The following WDR25 variants were observed in gnomAD, a reference collection of about 807,000 sequenced individuals.
The protein encoded by WDR25 is WD repeat domain 25, also known as WD repeat-containing protein 25.
WDR25 carries 35 observed loss-of-function variants against 47.7 expected under a neutral mutation model. The observed-to-expected ratio is 0.73, with a 90% CI of 0.56 to 0.97. The LOEUF is 0.97. WDR25 is among the 50% of genes least tolerant of loss of function. The pLI, the probability that WDR25 is intolerant of heterozygous loss-of-function variation, is 0.00. For synonymous variants in WDR25, 248 were observed against 278.9 expected, an observed-to-expected ratio of 0.89 and a Z score of 1.10; for missense variants, 634 against 704.7, an observed-to-expected ratio of 0.90 and a Z score of 1.14.
rs535723035 is a variant in WDR25 at position 100,530,253 on chromosome 14, G to A, written c.*212G>A. On this transcript the variant is annotated 3_prime_UTR_variant, in exon 7 of 7. Coordinates refer to ENST00000402312, the MANE Select transcript of WDR25 (RefSeq NM_001161476.3). Reference sequence around the variant, plus strand: ...TAGTGAAAGCGCCTGGCGGGCAGCCGGCGATGCCCAATAAATGTGTGTTTT... The same window carrying A: ...TAGTGAAAGCGCCTGGCGGGCAGCCAGCGATGCCCAATAAATGTGTGTTTT... 7.0e-6 allele frequency: 4 copies of A among 571,902 alleles called. No homozygotes were observed. The South Asian group carries it at 9.2e-5, about 13-fold the overall frequency. 35.4% of individuals were successfully genotyped at this position (571,902 alleles called of 1,614,324 possible). A position where few individuals can be genotyped will look rare whatever the true frequency, so the allele number is the denominator to read the frequency against.
At chr14:100,469,359 G>A (rs1899752095) in intron 3 of WDR25, among the ~76,000 whole-genome samples, 1 of 152,160 alleles carries the variant, frequency 6.6e-6, no homozygotes, top group Non-Finnish European at 1.5e-5. Context: ...TGGTCACAGG[G>A]CCCCTGCCAC....
chr14:100,485,448 A>G (rs2140322737), intron 4 of WDR25, among the ~76,000 whole-genome samples: 1 of 152,308 alleles, frequency 6.6e-6, no homozygotes, highest in South Asian at 2.1e-4. Context: ...GCACTGTGTG[A>G]ATCATGATTG....
rs190685439 is a variant in WDR25, at chr14:100,460,949, C to T, written c.823-7072C>T. On this transcript the variant is annotated intron_variant, in intron 2 of 6. Coordinates refer to ENST00000402312, the MANE Select transcript of WDR25 (RefSeq NM_001161476.3). ...TGCAATTCCAGGCTGCGCACAGTGG[C>T]TCATGCTGTAATCCAGCCTTTGGGA... Among the ~76,000 whole-genome samples, 6 of 152,306 alleles carry T rather than the reference C, an allele frequency of 3.9e-5. No individual in the cohort carries two copies. The East Asian group carries it at 9.6e-4, about 24-fold the overall frequency.
chr14:100,501,384 C>G (rs1264838576), intron 4 of WDR25, among the ~76,000 whole-genome samples: 1 of 152,174 alleles, frequency 6.6e-6, no homozygotes, highest in African/African-American at 2.4e-5. Flanking sequence ...AATTGGCCAT[C>G]ATGAGCTGTC....
In WDR25 at chr14:100,506,829, C is replaced by T. The variant is rs921594591; in HGVS notation, c.1102-19041C>T. Among the ~76,000 whole-genome samples, 61 of 151,966 alleles carry T rather than the reference C, an allele frequency of 4.0e-4. 3 individuals carry two copies. Among genetic ancestry groups the T allele is most frequent in the Non-Finnish European group, 1.3e-4 (9 of 67,946 alleles). ...CTGGATATTACAGCTTTGTCAGATG[C>T]GTAGTTTGCAAATATTTCTCCTATT... On this transcript the variant is annotated intron_variant, in intron 4 of 6. Coordinates refer to ENST00000402312, the MANE Select transcript of WDR25 (RefSeq NM_001161476.3). This position sits in a 1 kb window ranked among gnomAD's most constrained non-coding sequence, Gnocchi z 4.8.
At chr14:100,432,379 TG>T (rs1302968485) in intron 2 of WDR25, among the ~76,000 whole-genome samples, 1 of 152,238 alleles carries the variant, frequency 6.6e-6, no homozygotes, top group East Asian at 1.9e-4. Flanking sequence ...TCACGATGCC[TG>T]AATCTTCCAA....
At chr14:100,521,199 C>T (rs1314309466) in intron 4 of WDR25, among the ~76,000 whole-genome samples, 1 of 151,662 alleles carries the variant, frequency 6.6e-6, no homozygotes, top group Non-Finnish European at 1.5e-5. Context: ...CACACACACA[C>T]ACACAGAGAG....
intron 2 of WDR25, among the ~76,000 whole-genome samples, chr14:100,382,991 A>C (rs1896939991): frequency 6.6e-6 from 1 of 152,218 alleles, no homozygotes; most frequent in South Asian, 2.1e-4. Flanking sequence ...AGAGTTCTGG[A>C]ACCAACTTTC....
At chr14:100,497,312 T>C (rs2140341535) in intron 4 of WDR25, among the ~76,000 whole-genome samples, 1 of 152,326 alleles carries the variant, frequency 6.6e-6, no homozygotes, top group South Asian at 2.1e-4. Flanking sequence ...TTTCAGTGAC[T>C]GAGAGAGGAG....
At chr14:100,432,292 TATA>T (rs1356319608) in intron 2 of WDR25, among the ~76,000 whole-genome samples, 5 of 152,198 alleles carry the variant, frequency 3.3e-5, no homozygotes, top group Non-Finnish European at 7.4e-5. Flanking sequence ...ACTATAAAAA[TATA>T]ATAAGTCAAT....
In WDR25 at chr14:100,506,552, T is replaced by C. The variant is rs1901118518; in HGVS notation, c.1102-19318T>C. Among the ~76,000 whole-genome samples the C allele has an allele frequency of 6.6e-6, 1 of 152,244 alleles. No individual in the cohort carries two copies. The highest frequency in any genetic ancestry group is 2.4e-5 in the African/African-American group (1 of 41,470). On this transcript the variant is annotated intron_variant, in intron 4 of 6. Coordinates refer to ENST00000402312, the MANE Select transcript of WDR25 (RefSeq NM_001161476.3). This position sits in a 1 kb window ranked among gnomAD's most constrained non-coding sequence, Gnocchi z 4.8. ...CCAACAGAGTATAAGTGTTCTTTTT[T>C]CTCTGCAGCCTTGCTAGCACCTGTT...
At chr14:100,380,496 T>C (rs1939637547) in intron 1 of WDR25, among the ~76,000 whole-genome samples, 1 of 129,650 alleles carries the variant, frequency 7.7e-6, no homozygotes, top group Admixed American at 7.5e-5. Flanking sequence ...ATTCTTTTTC[T>C]TTCTTTTTTT....
At chr14:100,376,584 A>G (rs1354352316) in intron 1 of WDR25, 89 bp downstream of exon 1, 3 of 1,231,986 alleles carry the variant, frequency 2.4e-6, no homozygotes, top group South Asian at 4.1e-5. Context: ...GCGGTCTCTC[A>G]TAGCCGCTCG....
At chr14:100,450,511 A>G (rs753893942) in intron 2 of WDR25, among the ~76,000 whole-genome samples, 17 of 152,208 alleles carry the variant, frequency 1.1e-4, no homozygotes, top group Non-Finnish European at 2.2e-4. Flanking sequence ...GCAGTGAGCA[A>G]ATTTCTTGGC....
intron 2 of WDR25, among the ~76,000 whole-genome samples, chr14:100,450,284 C>G (rs116317226): frequency 0.017 from 2,615 of 152,294 alleles, 34 homozygotes; most frequent in Middle Eastern, 0.034. Flanking sequence ...TGTGACTATG[C>G]CTTGCTCAGG....
intron 1 of WDR25, among the ~76,000 whole-genome samples, chr14:100,378,123 A>C (rs1465766462): frequency 6.6e-6 from 1 of 152,156 alleles, no homozygotes; most frequent in African/African-American, 2.4e-5. Flanking sequence ...CTTTCTGGGA[A>C]CTAATTGATA....
chr14:100,466,741 T>A (rs1458291274), intron 2 of WDR25, among the ~76,000 whole-genome samples: 1 of 152,182 alleles, frequency 6.6e-6, no homozygotes, highest in Non-Finnish European at 1.5e-5. Context: ...CTGCAAGTGC[T>A]CCTCTGCTTC....
chr14:100,465,559 A>G (rs917164100), intron 2 of WDR25, among the ~76,000 whole-genome samples: 1 of 152,254 alleles, frequency 6.6e-6, no homozygotes, highest in Non-Finnish European at 1.5e-5. Context: ...CTAAGGCTGA[A>G]TACTATTCCA....
chr14:100,467,425 C>G (rs897707930), intron 2 of WDR25, among the ~76,000 whole-genome samples: 1 of 152,158 alleles, frequency 6.6e-6, no homozygotes, highest in Non-Finnish European at 1.5e-5. Flanking sequence ...GTGCAGGACT[C>G]CCACCCGGCT....
Sources: gnomAD v4.1 joint callset for allele counts (sites outside exome capture counted in the v4.1 genomes callset) on GRCh38, gnomAD v4.1.1 for gene constraint, Gnocchi (gnomAD v3.1) non-coding constraint, MANE v1.5 for transcripts, NCBI Gene and HGNC (gene_info 2026-07-23, HGNC 2026-07-21) for gene names.